PTPN4: variants seen among roughly 807,000 people sequenced by gnomAD.
The protein encoded by PTPN4 is protein tyrosine phosphatase non-receptor type 4, also known as tyrosine-protein phosphatase non-receptor type 4.
PTPN4 carries 49 observed loss-of-function variants against 135.5 expected under a neutral mutation model. The ratio of observed to expected loss-of-function variants is 0.36; its 90% confidence interval spans 0.29 to 0.46. The LOEUF is 0.46. Among genes scored for constraint, PTPN4 ranks in the 20% least tolerant of loss-of-function variants. The pLI is 1.00. For missense variants in PTPN4, 860 were observed against 1,101.0 expected, an observed-to-expected ratio of 0.78 and a Z score of 3.10; for synonymous variants, 333 against 369.9, an observed-to-expected ratio of 0.90 and a Z score of 1.14.
chr2:119,775,644 A>G (rs1332069631), intron 1 of PTPN4, among the ~76,000 whole-genome samples: 2 of 152,198 alleles, frequency 1.3e-5, no homozygotes, highest in African/African-American at 2.4e-5. Flanking sequence ...CTGGAGGATT[A>G]CAGTATTGAA....
rs1487040781 is a variant in PTPN4 at position 119,979,517 on chromosome 2, T to C, written c.*2447T>C. ...AAAGATCCTTTTTGAAAACCATATT[T>C]ATTGGGATCTTATTTAAATTTAAAT... On this transcript the variant is annotated 3_prime_UTR_variant, in exon 27 of 27. Transcript: ENST00000263708. The C allele has an allele frequency of 6.6e-6, 1 of 152,172 alleles. No homozygotes were observed. The highest frequency in any genetic ancestry group is 1.9e-4 in the East Asian group (1 of 5,204). The allele number at this position is 152,172 out of a possible 1,614,324, so 9.4% of individuals were successfully genotyped here. A position where few individuals can be genotyped will look rare whatever the true frequency, so the allele number is the denominator to read the frequency against.
chr2:119,787,315 T>C (rs1035649973), intron 1 of PTPN4, among the ~76,000 whole-genome samples: 8 of 152,216 alleles, frequency 5.3e-5, no homozygotes, highest in Admixed American at 3.9e-4. Context: ...TACATACTTT[T>C]TGAATACTGC....
At chr2:119,818,904 CCTT>C (rs1677026663) in intron 2 of PTPN4, among the ~76,000 whole-genome samples, 1 of 152,194 alleles carries the variant, frequency 6.6e-6, no homozygotes, top group African/African-American at 2.4e-5. Flanking sequence ...CTGGACCACA[CCTT>C]CTCAGAACTG....
intron 23 of PTPN4, among the ~76,000 whole-genome samples, chr2:119,962,369 G>T (rs1402306754): frequency 6.6e-6 from 1 of 151,646 alleles, no homozygotes; most frequent in African/African-American, 2.4e-5. Context: ...CAGGAGAATC[G>T]CTTGAACCCA....
intron 10 of PTPN4, among the ~76,000 whole-genome samples, chr2:119,909,487 T>C (rs1046741220): frequency 6.6e-6 from 1 of 152,156 alleles, no homozygotes; most frequent in Non-Finnish European, 1.5e-5. Flanking sequence ...CCATTGACAA[T>C]GAATGCACCT....
In PTPN4 at chr2:119,852,550, T is replaced by C. The variant is rs913502027; in HGVS notation, c.139-9986T>C. 2.0e-5 allele frequency among the ~76,000 whole-genome samples: 3 copies of C among 152,258 alleles called. No homozygotes were observed. The South Asian group carries it at 6.2e-4, about 32-fold the overall frequency. On this transcript the variant is annotated intron_variant, in intron 2 of 26. Coordinates refer to ENST00000263708, the MANE Select transcript of PTPN4 (RefSeq NM_002830.4). Reference sequence around the variant, plus strand: ...GTGTCTTTTTTTCCCCTTTTTATTTTAGTCTTGTTTGAGGTTTGTTAATTT... The same window carrying C: ...GTGTCTTTTTTTCCCCTTTTTATTTCAGTCTTGTTTGAGGTTTGTTAATTT...
intron 1 of PTPN4, among the ~76,000 whole-genome samples, chr2:119,793,502 C>A (rs925945859): frequency 1.3e-5 from 2 of 152,082 alleles, no homozygotes; most frequent in African/African-American, 4.8e-5. Flanking sequence ...TGAGGTGACA[C>A]ATACATCCTC....
At chr2:119,883,189 G>A (rs1010557289) in intron 8 of PTPN4, among the ~76,000 whole-genome samples, 6 of 151,788 alleles carry the variant, frequency 4.0e-5, no homozygotes, top group East Asian at 1.9e-4. Flanking sequence ...GTCAACATTC[G>A]GTGAAAACTT....
intron 9 of PTPN4, among the ~76,000 whole-genome samples, chr2:119,889,238 T>G (rs936508070): frequency 6.6e-6 from 1 of 152,004 alleles, no homozygotes; most frequent in Non-Finnish European, 1.5e-5. Flanking sequence ...GCTAACGCGG[T>G]GAAACCCCGT....
At chr2:119,805,023 TCTCTG>T in intron 1 of PTPN4, among the ~76,000 whole-genome samples, 1 of 94,444 alleles carries the variant, frequency 1.1e-5, no homozygotes, top group Non-Finnish European at 2.8e-5. Flanking sequence ...ATTCTGGTCA[TCTCTG>T]ATGACCAGTG....
At chr2:119,955,129 T>G (rs1188648831) in intron 19 of PTPN4, 28 bp from the exon 20 acceptor site, 8 of 1,562,304 alleles carry the variant, frequency 5.1e-6, no homozygotes, top group Non-Finnish European at 6.9e-6. Flanking sequence ...TTCCACGTTT[T>G]GGGGTTTGTT....
chr2:119,779,073 G>C (rs563188881), intron 1 of PTPN4, among the ~76,000 whole-genome samples: 9 of 152,220 alleles, frequency 5.9e-5, no homozygotes, highest in Admixed American at 4.6e-4. Flanking sequence ...CTTCTACAGG[G>C]TATCAGTTTT....
intron 2 of PTPN4, among the ~76,000 whole-genome samples, chr2:119,839,140 A>C (rs1011806587): frequency 6.6e-6 from 1 of 152,114 alleles, no homozygotes; most frequent in African/African-American, 2.4e-5. Context: ...TGGCTTTCTT[A>C]TCATAATTAA....
intron 15 of PTPN4, among the ~76,000 whole-genome samples, chr2:119,941,385 A>G (rs1256256652): frequency 6.6e-6 from 1 of 151,280 alleles, no homozygotes; most frequent in African/African-American, 2.4e-5. Flanking sequence ...CTGTGTTGAC[A>G]TCCTTGATTA....
At chr2:119,852,843 T>C (rs1001311813) in intron 2 of PTPN4, among the ~76,000 whole-genome samples, 1 of 151,832 alleles carries the variant, frequency 6.6e-6, no homozygotes, top group Non-Finnish European at 1.5e-5. Flanking sequence ...AGTTCAGTGG[T>C]TTTTTTTGTT....
chr2:119,761,898 A>G (rs548597336), intron 1 of PTPN4, among the ~76,000 whole-genome samples: 2 of 152,312 alleles, frequency 1.3e-5, no homozygotes, highest in South Asian at 4.1e-4. Flanking sequence ...AAAAGTAGTA[A>G]TAGACGAGGA....
In PTPN4 at chr2:119,842,825, T is replaced by C. The variant is rs374591178; in HGVS notation, c.139-19711T>C. Among the ~76,000 whole-genome samples the C allele has an allele frequency of 5.3e-4, 81 of 152,304 alleles. 4 individuals are homozygous for C. In the South Asian group the frequency reaches 0.016, roughly 30 times the overall value. ...GACATTGGTACCATCTACAGATCTT[T>C]TATAGCTATCACCAGTTTTTACATG... On this transcript the variant is annotated intron_variant, in intron 2 of 26. Transcript: ENST00000263708.
At chr2:119,847,265 A>G (rs1317312452) in intron 2 of PTPN4, among the ~76,000 whole-genome samples, 10 of 142,744 alleles carry the variant, frequency 7.0e-5, no homozygotes, top group African/African-American at 2.6e-4. Flanking sequence ...AAAAAAGGAG[A>G]TACTCTATAT....
At chr2:119,768,972 T>C (rs1690687433) in intron 1 of PTPN4, among the ~76,000 whole-genome samples, 1 of 152,224 alleles carries the variant, frequency 6.6e-6, no homozygotes, top group Non-Finnish European at 1.5e-5. Flanking sequence ...ATCTTTTCTC[T>C]CCTGTACTGC....
Sources: gnomAD v4.1 joint callset for allele counts (sites outside exome capture counted in the v4.1 genomes callset) on GRCh38, gnomAD v4.1.1 for gene constraint, MANE v1.5 for transcripts, NCBI Gene and HGNC (gene_info 2026-07-23, HGNC 2026-07-21) for gene names.